Variants in SBF2 observed in about 807,000 individuals in gnomAD.
SBF2 encodes myotubularin-related protein 13.
Under a neutral mutation model 225.2 loss-of-function variants are expected in SBF2, and 112 were observed. The observed-to-expected ratio is 0.50, with a 90% CI of 0.43 to 0.58. The LOEUF (loss-of-function observed/expected upper bound fraction) is 0.58, where lower values mean the gene tolerates loss of function less well. SBF2 is among the 20% of genes least tolerant of loss of function. The probability of loss-of-function intolerance (pLI) is 0.00; values close to 1 mark genes in which losing one functional copy is unlikely to be tolerated. For synonymous variants in SBF2, 763 were observed against 773.3 expected (o/e 0.99, Z 0.22); for missense variants, 1,996 against 2,206.2 (o/e 0.90, Z 1.91).
At chr11:9,836,993 T>G (rs1453908760) in intron 26 of SBF2, among the ~76,000 whole-genome samples, 10 of 152,312 alleles carry the variant, frequency 6.6e-5, no homozygotes, top group African/African-American at 2.4e-5. Flanking sequence ...ATTGGCAGAT[T>G]CCTACAGATT....
At chr11:9,993,175 G>T in intron 10 of SBF2, 72 bp from the exon 11 acceptor site, 1 of 1,094,228 alleles carries the variant, frequency 9.1e-7, no homozygotes, top group Non-Finnish European at 1.4e-6. Context: ...TCAAAAAGGT[G>T]AAAAGGGCAT....
chr11:9,945,640 A>G (rs531475882), intron 16 of SBF2, among the ~76,000 whole-genome samples: 1 of 152,254 alleles, frequency 6.6e-6, no homozygotes, highest in African/African-American at 2.4e-5. Context: ...GAAACTATCT[A>G]AAGAGTAAAC....
chr11:9,967,690 CG>C (rs769102032), intron 14 of SBF2, among the ~76,000 whole-genome samples: 1 of 151,972 alleles, frequency 6.6e-6, no homozygotes, highest in Non-Finnish European at 1.5e-5. Context: ...CCAAGGTGGG[CG>C]GATCACCTGA....
At chr11:9,986,769 T>C (rs1024704266) in intron 13 of SBF2, among the ~76,000 whole-genome samples, 1 of 152,062 alleles carries the variant, frequency 6.6e-6, no homozygotes, top group East Asian at 1.9e-4. Flanking sequence ...AGCAGCAAAA[T>C]TGAAATGGTA....
rs115161535 is a variant in SBF2 at position 10,004,299 on chromosome 11, T to G, written c.620-1610A>C. 3.1e-3 allele frequency among the ~76,000 whole-genome samples: 479 copies of G among 152,230 alleles called. 3 individuals are homozygous for G. The highest frequency in any genetic ancestry group is 0.011 in the African/African-American group (437 of 41,544). ...GCTACAAATTTTGCAAAAAATATTC[T>G]TTTGGCTTTAACATGAATTTTAAAA... On this transcript the variant is annotated intron_variant, in intron 6 of 39. Transcript: ENST00000256190.
At chr11:9,829,331 G>A (rs372108899) in intron 28 of SBF2, 25 bp downstream of exon 28, 54 of 1,612,596 alleles carry the variant, frequency 3.3e-5, no homozygotes, top group Non-Finnish European at 4.1e-5. Flanking sequence ...AAGCTGTCAA[G>A]AAGAAAAGTA....
Position 9,867,314 on chromosome 11 carries a change from C to A in SBF2, c.1930-8918G>T, listed in dbSNP as rs139340599. On this transcript the variant is annotated intron_variant, in intron 17 of 39. Coordinates refer to ENST00000256190, the MANE Select transcript of SBF2 (RefSeq NM_030962.4). Reference sequence around the variant, plus strand: ...AACACAAGGAGATATTATCTCGTCCCAGTTAAATTGAAAAACACAAGGAGA... The same window carrying A: ...AACACAAGGAGATATTATCTCGTCCAAGTTAAATTGAAAAACACAAGGAGA... Among the ~76,000 whole-genome samples the A allele has an allele frequency of 2.6e-3, 399 of 152,136 alleles. 7 individuals carry two copies. Among genetic ancestry groups the A allele is most frequent in the Admixed American group, 0.024 (361 of 15,284 alleles).
At position 9,858,384 on chromosome 11, in the gene SBF2, C is replaced by CA. The variant is rs1329088545; in HGVS notation, c.1941dup (p.Gly648TrpfsTer55). 1.2e-6 allele frequency: 2 copies of CA among 1,614,014 alleles called. No homozygotes were observed. The highest frequency in any genetic ancestry group is 2.7e-5 in the African/African-American group (2 of 74,900). On this transcript the variant is annotated frameshift_variant, in exon 18 of 40. Coordinates refer to ENST00000256190, the MANE Select transcript of SBF2 (RefSeq NM_030962.4). LOFTEE classifies it high-confidence loss of function. ...CACGTGTAAGCAAACTGGCTGACTC[C>CA]AGGGGCAAGTTTCTGTGAGAACACA...
At chr11:10,175,568 C>CT (rs1285890437) in intron 2 of SBF2, among the ~76,000 whole-genome samples, 3 of 151,624 alleles carry the variant, frequency 2.0e-5, no homozygotes, top group Non-Finnish European at 4.4e-5. Context: ...TAATGGGAGA[C>CT]TTTAACACCC....
chr11:10,217,958 G>A (rs1481575983), intron 1 of SBF2, among the ~76,000 whole-genome samples: 1 of 151,958 alleles, frequency 6.6e-6, no homozygotes, highest in Non-Finnish European at 1.5e-5. Flanking sequence ...GGAGTGCAGT[G>A]GCGCGATCTC....
At chr11:10,124,773 CA>C (rs1357934319) in intron 2 of SBF2, among the ~76,000 whole-genome samples, 1 of 151,916 alleles carries the variant, frequency 6.6e-6, no homozygotes, top group African/African-American at 2.4e-5. Context: ...AAAATAAAAA[CA>C]AAAAAATATA....
chr11:9,929,698 G>A (rs1247092283), intron 16 of SBF2, among the ~76,000 whole-genome samples: 1 of 152,124 alleles, frequency 6.6e-6, no homozygotes, highest in Non-Finnish European at 1.5e-5. Flanking sequence ...ACAAAGTGCT[G>A]CCTCATCCAC....
At chr11:10,284,542 ACT>A (rs1963620114) in intron 1 of SBF2, among the ~76,000 whole-genome samples, 1 of 151,846 alleles carries the variant, frequency 6.6e-6, no homozygotes, top group African/African-American at 2.4e-5. Context: ...GCATGCATTA[ACT>A]CTTTTTTCCA....
chr11:9,822,855 TC>T (rs77378614), intron 28 of SBF2, among the ~76,000 whole-genome samples: 12,001 of 141,240 alleles, frequency 0.085, 556 homozygotes, highest in East Asian at 0.15. Flanking sequence ...AGTAAATATA[TC>T]TGCACTGATA....
At chr11:10,209,310 T>TG (rs56082046) in intron 1 of SBF2, among the ~76,000 whole-genome samples, 94,475 of 148,484 alleles carry the variant, frequency 0.64, 30,216 homozygotes, top group African/African-American at 0.74. Context: ...CACAAATTTG[T>TG]TTTTTTTTTT....
intron 2 of SBF2, among the ~76,000 whole-genome samples, chr11:10,090,177 AATG>A (rs1951720311): frequency 6.6e-6 from 1 of 152,188 alleles, no homozygotes; most frequent in Admixed American, 6.5e-5. Context: ...TGAGAGGATG[AATG>A]ATGAGGGAAA....
At chr11:10,131,722 T>G (rs1373936041) in intron 2 of SBF2, among the ~76,000 whole-genome samples, 6 of 152,204 alleles carry the variant, frequency 3.9e-5, no homozygotes, top group Admixed American at 2.6e-4. Context: ...ATTACAGGCA[T>G]GAGCCACCAC....
intron 27 of SBF2, among the ~76,000 whole-genome samples, chr11:9,830,246 A>C (rs1040178052): frequency 1.3e-5 from 2 of 152,188 alleles, no homozygotes; most frequent in African/African-American, 4.8e-5. Flanking sequence ...GATATTCATA[A>C]ATTTTCTTAC....
chr11:10,025,276 AT>A (rs1347298419), intron 6 of SBF2, among the ~76,000 whole-genome samples: 6 of 152,150 alleles, frequency 3.9e-5, no homozygotes, highest in Non-Finnish European at 8.8e-5. Context: ...AACTGAAATG[AT>A]TTCAAGCTGT....
Sources: gnomAD v4.1 joint callset for allele counts (sites outside exome capture counted in the v4.1 genomes callset) on GRCh38, gnomAD v4.1.1 for gene constraint, MANE v1.5 for transcripts, NCBI Gene and HGNC (gene_info 2026-07-23, HGNC 2026-07-21) for gene names.